Variants in CCBE1 observed in about 807,000 individuals in gnomAD.
The protein encoded by CCBE1 is collagen and calcium binding EGF domains 1.
In CCBE1, 37 loss-of-function variants were observed where a neutral mutation model predicts 50.0. The ratio of observed to expected loss-of-function variants is 0.74; its 90% CI spans 0.57 to 0.97. The LOEUF (loss-of-function observed/expected upper bound fraction) is 0.97, where lower values mean the gene tolerates loss of function less well. CCBE1 is among the 50% of genes least tolerant of loss of function. The probability of loss-of-function intolerance (pLI) is 0.00; values close to 1 mark genes in which losing one functional copy is unlikely to be tolerated. For synonymous variants in CCBE1, 234 were observed against 203.7 expected (o/e 1.15, Z -1.27); for missense variants, 538 against 523.8 (o/e 1.03, Z -0.26).
intron 2 of CCBE1, among the ~76,000 whole-genome samples, chr18:59,693,129 CTTTT>C (rs796557055): frequency 1.1e-4 from 16 of 152,074 alleles, no homozygotes; most frequent in African/African-American, 3.9e-4. Flanking sequence ...GTACATTGTT[CTTTT>C]TTTTAAATAA....
At chr18:59,665,766 G>T (rs2054346302) in intron 2 of CCBE1, among the ~76,000 whole-genome samples, 3 of 152,174 alleles carry the variant, frequency 2.0e-5, no homozygotes, top group Admixed American at 2.0e-4. Context: ...CCACTAAAAA[G>T]CACACTGCTC....
chr18:59,689,946 C>G (rs2054707068), intron 2 of CCBE1, among the ~76,000 whole-genome samples: 1 of 152,108 alleles, frequency 6.6e-6, no homozygotes, highest in Non-Finnish European at 1.5e-5. Context: ...GCTGAAAGGA[C>G]ACAGCTGGGC....
chr18:59,659,840 C>G (rs768425797), intron 2 of CCBE1, among the ~76,000 whole-genome samples: 1 of 152,196 alleles, frequency 6.6e-6, no homozygotes, highest in African/African-American at 2.4e-5. Context: ...TCCTGGACCC[C>G]CGTTTGCTCA....
intron 2 of CCBE1, among the ~76,000 whole-genome samples, chr18:59,486,627 G>A (rs142477261): frequency 8.5e-5 from 13 of 152,294 alleles, no homozygotes; most frequent in South Asian, 2.1e-4. Flanking sequence ...GGTGGCTACC[G>A]TGGAGAAGCC....
intron 2 of CCBE1, among the ~76,000 whole-genome samples, chr18:59,620,120 T>A (rs1029299770): frequency 6.6e-6 from 1 of 152,124 alleles, no homozygotes; most frequent in Non-Finnish European, 1.5e-5. Flanking sequence ...AACATGCACA[T>A]GCAGAAAAAG....
chr18:59,668,554 T>A (rs1033221989), intron 2 of CCBE1, among the ~76,000 whole-genome samples: 2 of 152,146 alleles, frequency 1.3e-5, no homozygotes, highest in African/African-American at 4.8e-5. Context: ...AAATATTCAT[T>A]GAAATAGCTT....
rs375484836 is a variant in CCBE1 at position 59,697,379 on chromosome 18, C to T, written c.-37G>A. Reference sequence around the variant, plus strand: ...CCGGCTTCTTCCCAGCGCCGAGCTCCGTCCGGACCAAGCGTCCTGCTCCTC... The same window carrying T: ...CCGGCTTCTTCCCAGCGCCGAGCTCTGTCCGGACCAAGCGTCCTGCTCCTC... On this transcript the variant is annotated 5_prime_UTR_variant, in exon 1 of 11. Transcript: ENST00000439986. The T allele has an allele frequency of 2.6e-6, 4 of 1,538,504 alleles. No individual in the cohort carries two copies. The highest frequency in any genetic ancestry group is 2.6e-6 in the Non-Finnish European group (3 of 1,144,394).
intron 2 of CCBE1, among the ~76,000 whole-genome samples, chr18:59,548,443 G>A (rs188072798): frequency 6.6e-6 from 1 of 152,170 alleles, no homozygotes; most frequent in Non-Finnish European, 1.5e-5. Flanking sequence ...AGATTGCAGG[G>A]TGTGGCTAGG....
chr18:59,610,270 G>T (rs1568232699), intron 2 of CCBE1, among the ~76,000 whole-genome samples: 1 of 152,132 alleles, frequency 6.6e-6, no homozygotes. Context: ...ATCTTAAGCT[G>T]GGTTTTGGAT....
At chr18:59,583,654 CGTGTGTGT>C (rs752150539) in intron 2 of CCBE1, among the ~76,000 whole-genome samples, 10 of 142,106 alleles carry the variant, frequency 7.0e-5, no homozygotes, top group Non-Finnish European at 1.1e-4. Flanking sequence ...CACTGCTTTG[CGTGTGTGT>C]GTGTGTGTGT....
At chr18:59,463,870 G>A (rs1312832920) in intron 5 of CCBE1, among the ~76,000 whole-genome samples, 1 of 152,174 alleles carries the variant, frequency 6.6e-6, no homozygotes, top group Non-Finnish European at 1.5e-5. Context: ...GACTTGCCAG[G>A]CTGGGCTGTC....
intron 2 of CCBE1, among the ~76,000 whole-genome samples, chr18:59,690,004 G>A (rs1025479579): frequency 2.0e-5 from 3 of 152,076 alleles, no homozygotes; most frequent in Admixed American, 6.6e-5. Context: ...TTAATCAAAT[G>A]TATGTCCAAA....
intron 2 of CCBE1, among the ~76,000 whole-genome samples, chr18:59,616,780 GC>G (rs1477111730): frequency 6.6e-6 from 1 of 152,214 alleles, no homozygotes; most frequent in Non-Finnish European, 1.5e-5. Flanking sequence ...TCACACAATG[GC>G]CGCAATGTGG....
In CCBE1 at chr18:59,462,895, C is replaced by T. The variant is rs575943535; in HGVS notation, c.553+3844G>A. Among the ~76,000 whole-genome samples, 20 of 152,174 alleles carry T rather than the reference C, an allele frequency of 1.3e-4. No individual in the cohort carries two copies. In the South Asian group the frequency reaches 4.2e-3, roughly 32 times the overall value. ...CAGTAAACGGTGGAGATAAAATATGCCTTTAACGCAAATAATACTAGAGAA... is the reference window on the plus strand; with the variant it reads ...CAGTAAACGGTGGAGATAAAATATGTCTTTAACGCAAATAATACTAGAGAA... On this transcript the variant is annotated intron_variant, in intron 5 of 10. Transcript: ENST00000439986.
chr18:59,673,601 T>C (rs2054462415), intron 2 of CCBE1, among the ~76,000 whole-genome samples: 1 of 152,256 alleles, frequency 6.6e-6, no homozygotes, highest in South Asian at 2.1e-4. Context: ...TCTTATTATT[T>C]TGACATACAT....
intron 2 of CCBE1, among the ~76,000 whole-genome samples, chr18:59,512,022 C>T (rs1230575566): frequency 2.9e-5 from 4 of 140,206 alleles, no homozygotes; most frequent in Non-Finnish European, 4.8e-5. Flanking sequence ...TCCTCTGTAG[C>T]CATATGATAA....
At chr18:59,578,873 A>G (rs2144504148) in intron 2 of CCBE1, among the ~76,000 whole-genome samples, 1 of 152,314 alleles carries the variant, frequency 6.6e-6, no homozygotes, top group East Asian at 1.9e-4. Context: ...GGGTGCAGCA[A>G]ACCACCATGG....
intron 2 of CCBE1, among the ~76,000 whole-genome samples, chr18:59,656,980 A>G (rs1464908360): frequency 6.6e-6 from 1 of 152,184 alleles, no homozygotes; most frequent in Non-Finnish European, 1.5e-5. Flanking sequence ...TACTGGCTTC[A>G]TGAATTCATC....
At chr18:59,474,110 TA>T (rs1240892756) in intron 3 of CCBE1, among the ~76,000 whole-genome samples, 1 of 152,234 alleles carries the variant, frequency 6.6e-6, no homozygotes, top group Non-Finnish European at 1.5e-5. Context: ...GGTGTATATG[TA>T]CCACATTTTC....
Sources: allele counts gnomAD v4.1 joint callset (sites outside exome capture counted in the v4.1 genomes callset), GRCh38; gene constraint gnomAD v4.1.1; transcripts MANE v1.5; gene names NCBI Gene and HGNC (gene_info 2026-07-23, HGNC 2026-07-21).